The following CALN1 variants were observed in gnomAD, a reference collection of about 807,000 sequenced individuals.
CALN1 encodes calcium-binding protein 8.
A neutral mutation model predicts 30.6 loss-of-function variants in CALN1; 17 were observed. The ratio of observed to expected loss-of-function variants is 0.56; its 90% confidence interval spans 0.38 to 0.83. The LOEUF (loss-of-function observed/expected upper bound fraction) is 0.83, where lower values mean the gene tolerates loss of function less well. Ranked by LOEUF, CALN1 falls within the 40% of genes least tolerant of loss-of-function variation. The pLI, the probability that CALN1 is intolerant of heterozygous loss-of-function variation, is 0.00. For missense variants in CALN1, 291 were observed against 354.9 expected (o/e 0.82, Z 1.45); for synonymous variants, 156 against 131.4 (o/e 1.19, Z -1.28).
intron 3 of CALN1, among the ~76,000 whole-genome samples, chr7:72,231,686 G>A (rs1022512526): frequency 7.2e-5 from 11 of 152,026 alleles, no homozygotes; most frequent in African/African-American, 2.2e-4. Context: ...TTTCTCATAC[G>A]TAGGTACCTA....
chr7:72,112,424 G>A (rs1807646686), intron 3 of CALN1, among the ~76,000 whole-genome samples: 1 of 152,158 alleles, frequency 6.6e-6, no homozygotes, highest in Non-Finnish European at 1.5e-5. Context: ...TAAAGTGATG[G>A]CTTTATTAAC....
intron 5 of CALN1, among the ~76,000 whole-genome samples, chr7:71,981,553 A>T (rs1291148934): frequency 6.6e-6 from 1 of 152,080 alleles, no homozygotes; most frequent in African/African-American, 2.4e-5. Flanking sequence ...ACTCAGGAGG[A>T]TGAGGCACAA....
At chr7:72,161,698 T>C (rs770351887) in intron 3 of CALN1, among the ~76,000 whole-genome samples, 1 of 151,866 alleles carries the variant, frequency 6.6e-6, no homozygotes, top group Non-Finnish European at 1.5e-5. Context: ...TTCTCACTTG[T>C]AAGTGGGAGC....
intron 3 of CALN1, among the ~76,000 whole-genome samples, chr7:72,159,456 C>G (rs932055246): frequency 6.6e-6 from 1 of 151,964 alleles, no homozygotes; most frequent in Non-Finnish European, 1.5e-5. Context: ...ACTATGACCA[C>G]GCCACTGTAC....
At chr7:72,261,373 GCA>G (rs1796261937) in intron 3 of CALN1, among the ~76,000 whole-genome samples, 1 of 151,532 alleles carries the variant, frequency 6.6e-6, no homozygotes, top group South Asian at 2.1e-4. Flanking sequence ...GTAAATGGTG[GCA>G]CACTCCTGAG....
At chr7:72,407,025 C>T (rs182734903) in intron 1 of CALN1, among the ~76,000 whole-genome samples, 54 of 152,308 alleles carry the variant, frequency 3.5e-4, no homozygotes, top group African/African-American at 1.0e-3. Context: ...GTAGGAGGCA[C>T]TCTTATCCAC....
chr7:71,985,582 T>C (rs1798622337), intron 5 of CALN1, among the ~76,000 whole-genome samples: 1 of 147,372 alleles, frequency 6.8e-6, no homozygotes, highest in Admixed American at 6.8e-5. Context: ...ACAGGTAGTT[T>C]TCTTTTTTTT....
chr7:72,059,619 G>A (rs769087264), intron 4 of CALN1, among the ~76,000 whole-genome samples: 10 of 151,552 alleles, frequency 6.6e-5, no homozygotes, highest in Admixed American at 1.3e-4. Flanking sequence ...GCAAATGACC[G>A]TCAATTGTGA....
At chr7:72,455,321 A>ATG in the CALN1 span, among the ~76,000 whole-genome samples, 21,610 of 138,626 alleles carry the variant, frequency 0.16, 1,736 homozygotes, top group Middle Eastern at 0.27. Context: ...ATATATATAT[A>ATG]TGTGTGTGTG....
At chr7:72,077,298 G>A (rs926316716) in intron 4 of CALN1, among the ~76,000 whole-genome samples, 1 of 152,208 alleles carries the variant, frequency 6.6e-6, no homozygotes, top group Non-Finnish European at 1.5e-5. Context: ...TTTTGAGACG[G>A]AGTCTCGCTC....
intron 2 of CALN1, among the ~76,000 whole-genome samples, chr7:72,389,217 G>A (rs1805423882): frequency 6.6e-6 from 1 of 152,106 alleles, no homozygotes; most frequent in Non-Finnish European, 1.5e-5. Flanking sequence ...ACACCCCCTG[G>A]GGACCAATCC....
chr7:72,403,039 C>T (rs1345882406), intron 2 of CALN1, among the ~76,000 whole-genome samples: 1 of 152,128 alleles, frequency 6.6e-6, no homozygotes, highest in African/African-American at 2.4e-5. Context: ...CAAACCCATC[C>T]CTTCATCCCA....
At chr7:72,202,514 T>C (rs1461882630) in intron 3 of CALN1, among the ~76,000 whole-genome samples, 4 of 152,184 alleles carry the variant, frequency 2.6e-5, no homozygotes, top group African/African-American at 4.8e-5. Flanking sequence ...CTTTAAACCA[T>C]TGCTGGATCT....
At chr7:72,495,930 A>C in the CALN1 span, among the ~76,000 whole-genome samples, 1 of 151,948 alleles carries the variant, frequency 6.6e-6, no homozygotes, top group South Asian at 2.1e-4. Context: ...TATTGTTTTC[A>C]GTTTTTTTGT....
intron 4 of CALN1, among the ~76,000 whole-genome samples, chr7:72,084,026 T>C (rs1419918449): frequency 1.3e-5 from 2 of 151,518 alleles, no homozygotes; most frequent in African/African-American, 4.9e-5. Flanking sequence ...CTGGCTAACA[T>C]AGTGAAACCC....
At chr7:72,210,259 C>A (rs1280940087) in intron 3 of CALN1, among the ~76,000 whole-genome samples, 4 of 152,080 alleles carry the variant, frequency 2.6e-5, no homozygotes, top group African/African-American at 7.2e-5. Context: ...TTCTTCCCCA[C>A]CCCACCCTAA....
chr7:72,191,691 G>A (rs905846763), intron 3 of CALN1, among the ~76,000 whole-genome samples: 1 of 151,976 alleles, frequency 6.6e-6, no homozygotes, highest in Admixed American at 6.6e-5. Flanking sequence ...TATGTGTTAG[G>A]TTCCCAGGGC....
intron 2 of CALN1, among the ~76,000 whole-genome samples, chr7:72,305,179 A>G (rs1799566195): frequency 6.6e-6 from 1 of 152,156 alleles, no homozygotes; most frequent in African/African-American, 2.4e-5. Flanking sequence ...TTTGATTGGG[A>G]CTGGCCCCCA....
chr7:72,412,285 GAAGCAGGAA>G lies in CALN1; in HGVS notation c.-310_-302del. On this transcript the variant is annotated 5_prime_UTR_variant, in exon 1 of 7. Coordinates refer to ENST00000395275, the MANE Select transcript of CALN1 (RefSeq NM_031468.4). ...CAGAGTAAGCAGTAAGCTTTATTAA[GAAGCAGGAA>G]AGAAAAAAACACAAACTCAAGCGGA... 6.6e-6 allele frequency: 1 copy of G among 152,220 alleles called. No homozygotes were observed. The highest frequency in any genetic ancestry group is 2.1e-4 in the South Asian group (1 of 4,816). 9.4% of individuals were successfully genotyped at this position (152,220 alleles called of 1,614,324 possible).
Sources: allele counts gnomAD v4.1 joint callset (sites outside exome capture counted in the v4.1 genomes callset), GRCh38; gene constraint gnomAD v4.1.1; transcripts MANE v1.5; gene names NCBI Gene and HGNC (gene_info 2026-07-23, HGNC 2026-07-21).